DOK5: variants seen among roughly 807,000 people sequenced by gnomAD.
DOK5 encodes docking protein 5.
DOK5 carries 27 observed loss-of-function variants against 43.3 expected under a neutral mutation model. That is an observed-to-expected ratio of 0.62 (90% CI 0.46 to 0.86). The LOEUF (loss-of-function observed/expected upper bound fraction) is 0.86. DOK5 is among the 40% of genes least tolerant of loss of function. DOK5 has a pLI of 0.00. For missense variants in DOK5, 373 were observed against 392.9 expected, an observed-to-expected ratio of 0.95 and a Z score of 0.43; for synonymous variants, 146 against 140.1, an observed-to-expected ratio of 1.04 and a Z score of -0.30.
At chr20:54,478,950 T>C (rs1462976134) in intron 1 of DOK5, among the ~76,000 whole-genome samples, 1 of 152,226 alleles carries the variant, frequency 6.6e-6, no homozygotes, top group East Asian at 1.9e-4. Context: ...CCAGATTTTT[T>C]CAATGGATGA....
At chr20:54,485,529 C>A (rs925438484) in intron 1 of DOK5, among the ~76,000 whole-genome samples, 1 of 151,878 alleles carries the variant, frequency 6.6e-6, no homozygotes, top group Non-Finnish European at 1.5e-5. Context: ...ACAATAGGTA[C>A]CGTAGTTTGT....
At chr20:54,595,728 G>A (rs561285708) in intron 5 of DOK5, among the ~76,000 whole-genome samples, 1 of 152,198 alleles carries the variant, frequency 6.6e-6, no homozygotes, top group Admixed American at 6.5e-5. Context: ...CAGGGCTGGT[G>A]CAAACTTGAG....
At chr20:54,553,997 G>A (rs1210703848) in intron 1 of DOK5, among the ~76,000 whole-genome samples, 1 of 151,340 alleles carries the variant, frequency 6.6e-6, no homozygotes, top group East Asian at 1.9e-4. Flanking sequence ...ATGCTCATTA[G>A]CTCTTTGCAT....
At chr20:54,617,899 G>A (rs1986863859) in intron 6 of DOK5, among the ~76,000 whole-genome samples, 1 of 152,182 alleles carries the variant, frequency 6.6e-6, no homozygotes, top group East Asian at 1.9e-4. Context: ...TATTTTTCAG[G>A]CCTCCTACAA....
intron 1 of DOK5, among the ~76,000 whole-genome samples, chr20:54,500,084 G>A (rs1253348008): frequency 6.6e-6 from 1 of 152,128 alleles, no homozygotes; most frequent in Non-Finnish European, 1.5e-5. Flanking sequence ...CTGCAAATGA[G>A]GAGAAACTTC....
intron 7 of DOK5, among the ~76,000 whole-genome samples, chr20:54,644,993 A>C (rs1979329139): frequency 6.9e-6 from 1 of 144,850 alleles, no homozygotes; most frequent in Admixed American, 6.9e-5. Context: ...CTTGTAAAAA[A>C]ACTCTTTTTT....
intron 6 of DOK5, among the ~76,000 whole-genome samples, chr20:54,621,835 A>T (rs1027368740): frequency 6.6e-6 from 1 of 152,178 alleles, no homozygotes; most frequent in Admixed American, 6.5e-5. Flanking sequence ...CCAGGTGGCC[A>T]CTGGCTCCGG....
intron 1 of DOK5, 147 bp downstream of exon 1, chr20:54,476,159 G>C: frequency 6.6e-7 from 1 of 1,516,616 alleles, no homozygotes; most frequent in South Asian, 1.3e-5. Flanking sequence ...GCGTCTCCGG[G>C]GCTGTCACTG....
chr20:54,546,674 G>A (rs958368810), intron 1 of DOK5, among the ~76,000 whole-genome samples: 3 of 152,060 alleles, frequency 2.0e-5, no homozygotes, highest in Non-Finnish European at 4.4e-5. Context: ...TGTGATTACA[G>A]AAAGGGAATG....
chr20:54,644,703 C>G (rs1979293590), intron 7 of DOK5, among the ~76,000 whole-genome samples: 1 of 68,750 alleles, frequency 1.5e-5, no homozygotes, highest in Non-Finnish European at 2.4e-5. Context: ...GAGACTCCGT[C>G]TCAAAAAAAA....
intron 6 of DOK5, among the ~76,000 whole-genome samples, chr20:54,622,527 T>A (rs1195863668): frequency 6.6e-6 from 1 of 152,242 alleles, no homozygotes; most frequent in Non-Finnish European, 1.5e-5. Flanking sequence ...CCTGTCACGG[T>A]GCCAGGGATG....
At chr20:54,575,781 T>C (rs1568791501) in intron 2 of DOK5, among the ~76,000 whole-genome samples, 1 of 152,216 alleles carries the variant, frequency 6.6e-6, no homozygotes, top group Non-Finnish European at 1.5e-5. Flanking sequence ...TATAATTTAC[T>C]TTCAAATCAT....
Position 54,550,156 on chromosome 20 carries a change from G to A in DOK5, c.67-4777G>A, listed in dbSNP as rs73911958. Among the ~76,000 whole-genome samples, 1,028 of 140,166 alleles carry A rather than the reference G, an allele frequency of 7.3e-3. 17 individuals are homozygous for A. Among genetic ancestry groups the A allele is most frequent in the African/African-American group, 0.027 (974 of 36,272 alleles). The allele number at this position is 140,166 out of a possible 152,430, so 92.0% of individuals were successfully genotyped here. On this transcript the variant is annotated intron_variant, in intron 1 of 7. Transcript: ENST00000262593. Reference sequence around the variant, plus strand: ...CTTCTTAAAGTTACTCACTCTGGTCGTTAATTAGACTGTGATTGGATGGCA... The same window carrying A: ...CTTCTTAAAGTTACTCACTCTGGTCATTAATTAGACTGTGATTGGATGGCA...
At chr20:54,606,947 T>C (rs1256672594) in intron 5 of DOK5, among the ~76,000 whole-genome samples, 1 of 152,216 alleles carries the variant, frequency 6.6e-6, no homozygotes, top group African/African-American at 2.4e-5. Context: ...AGTGGTGATT[T>C]CTTGGCCAGA....
chr20:54,635,938 C>T (rs1456930783), intron 6 of DOK5, among the ~76,000 whole-genome samples: 3 of 152,130 alleles, frequency 2.0e-5, no homozygotes, highest in Non-Finnish European at 4.4e-5. Flanking sequence ...CAGAAATTTA[C>T]TTCTTATAGT....
chr20:54,488,339 G>A (rs867926269), intron 1 of DOK5, among the ~76,000 whole-genome samples: 7 of 152,156 alleles, frequency 4.6e-5, no homozygotes, highest in African/African-American at 1.4e-4. Context: ...TGCTCTTAAC[G>A]TCTGATTTTC....
intron 1 of DOK5, among the ~76,000 whole-genome samples, chr20:54,521,638 G>A (rs1167044367): frequency 6.6e-6 from 1 of 152,180 alleles, no homozygotes; most frequent in African/African-American, 2.4e-5. Context: ...AAGCTCCCCA[G>A]ATCTTGTCAT....
chr20:54,511,750 G>C (rs932251819), intron 1 of DOK5, among the ~76,000 whole-genome samples: 3 of 152,178 alleles, frequency 2.0e-5, no homozygotes, highest in Non-Finnish European at 2.9e-5. Flanking sequence ...TTCTCTCTTG[G>C]CTTTTCTTTC....
intron 1 of DOK5, among the ~76,000 whole-genome samples, chr20:54,537,846 T>C (rs1176385117): frequency 1.4e-5 from 2 of 144,406 alleles, no homozygotes; most frequent in Admixed American, 1.4e-4. Context: ...TTTTTTTTTT[T>C]TTTTTTTTTT....
Sources: allele counts gnomAD v4.1 joint callset (sites outside exome capture counted in the v4.1 genomes callset), GRCh38; gene constraint gnomAD v4.1.1; transcripts MANE v1.5; gene names NCBI Gene and HGNC (gene_info 2026-07-23, HGNC 2026-07-21).